Variants in VTI1A observed in about 807,000 individuals in gnomAD.
The protein encoded by VTI1A is vesicle transport through interaction with t-SNAREs 1A, also known as vesicle transport through interaction with t-SNAREs homolog 1A.
In VTI1A, 22 loss-of-function variants were observed where a neutral mutation model predicts 34.9. The ratio of observed to expected loss-of-function variants is 0.63; its 90% CI spans 0.45 to 0.90. The LOEUF (loss-of-function observed/expected upper bound fraction) is 0.90, where lower values mean the gene tolerates loss of function less well. VTI1A is among the 40% of genes least tolerant of loss of function. The pLI is 0.00. For synonymous variants in VTI1A, 87 were observed against 97.3 expected (o/e 0.89, Z 0.62); for missense variants, 268 against 275.6 (o/e 0.97, Z 0.20).
chr10:112,555,896 G>T (rs976111014), intron 5 of VTI1A, among the ~76,000 whole-genome samples: 1 of 151,972 alleles, frequency 6.6e-6, no homozygotes, highest in African/African-American at 2.4e-5. Flanking sequence ...TTATAAAATT[G>T]CAACTGTCTG....
intron 5 of VTI1A, among the ~76,000 whole-genome samples, chr10:112,648,890 A>G (rs1423871118): frequency 2.6e-5 from 4 of 152,196 alleles, no homozygotes; most frequent in Non-Finnish European, 5.9e-5. Context: ...AGTGGGTAAA[A>G]TATATATCTA....
chr10:112,648,104 A>G (rs767256267), intron 5 of VTI1A, among the ~76,000 whole-genome samples: 29 of 152,200 alleles, frequency 1.9e-4, no homozygotes, highest in African/African-American at 6.5e-4. Context: ...GAGATCATCT[A>G]TGTGGAAATT....
chr10:112,805,823 GGGAACCAACCCT>G (rs1853053856), intron 7 of VTI1A, among the ~76,000 whole-genome samples: 1 of 152,136 alleles, frequency 6.6e-6, no homozygotes, highest in African/African-American at 2.4e-5. Flanking sequence ...TGCTCTCTCA[GGGAACCAACCCT>G]GCCGACACCT....
At chr10:112,536,808 A>G (rs964560577) in intron 4 of VTI1A, among the ~76,000 whole-genome samples, 2 of 142,928 alleles carry the variant, frequency 1.4e-5, no homozygotes, top group African/African-American at 5.2e-5. Flanking sequence ...AGCTGCCTCC[A>G]ACGTCTGGCC....
At chr10:112,554,159 C>G (rs747994385) in intron 5 of VTI1A, among the ~76,000 whole-genome samples, 1 of 152,126 alleles carries the variant, frequency 6.6e-6, no homozygotes, top group Non-Finnish European at 1.5e-5. Context: ...TTCCTTAGGT[C>G]TGTAACAAAA....
rs912800916 is a variant in VTI1A, at chr10:112,767,729, C to T, written c.561-47561C>T. ...TGTATTCTCCCAATTTTCTTGGTTG[C>T]GATGAAAAAATAATAATTTTTAAAA... is the stretch of plus-strand genomic sequence containing the variant. On this transcript the variant is annotated intron_variant, in intron 7 of 7. Coordinates refer to ENST00000393077, the MANE Select transcript of VTI1A (RefSeq NM_145206.4). This position sits in a 1 kb window ranked among gnomAD's most constrained non-coding sequence, Gnocchi z 4.0. Among the ~76,000 whole-genome samples the T allele has an allele frequency of 3.3e-5, 5 of 151,270 alleles. No individual in the cohort carries two copies. Among genetic ancestry groups the T allele is most frequent in the South Asian group, 4.2e-4 (2 of 4,802 alleles).
At chr10:112,612,639 G>A (rs766808235) in intron 5 of VTI1A, among the ~76,000 whole-genome samples, 3 of 152,090 alleles carry the variant, frequency 2.0e-5, no homozygotes, top group Non-Finnish European at 4.4e-5. Context: ...GCCCAGGTTG[G>A]TCTAGAACTC....
In VTI1A at chr10:112,511,276, G is replaced by T. The variant is rs576983642; in HGVS notation, c.265-15811G>T. ...TTTTTTTTTTCTTTTTCAGAGTCTT[G>T]CTCTGTCACCAGGCTGGAGTGCAGT... On this transcript the variant is annotated intron_variant, in intron 3 of 7. Coordinates refer to ENST00000393077, the MANE Select transcript of VTI1A (RefSeq NM_145206.4). Among the ~76,000 whole-genome samples the T allele has an allele frequency of 4.1e-3, 588 of 141,980 alleles. 7 individuals carry two copies. The highest frequency in any genetic ancestry group is 4.0e-3 in the Non-Finnish European group (261 of 65,868). 93.1% of individuals were successfully genotyped at this position (141,980 alleles called of 152,430 possible). A position where few individuals can be genotyped will look rare whatever the true frequency, so the allele number is the denominator to read the frequency against.
the VTI1A span, among the ~76,000 whole-genome samples, chr10:112,829,444 GA>G: frequency 3.3e-4 from 43 of 131,928 alleles, no homozygotes; most frequent in Non-Finnish European, 3.3e-4. Context: ...ACTCCGTCTC[GA>G]AAAAAAAAAA....
chr10:112,762,534 T>C (rs1851503446), intron 7 of VTI1A, among the ~76,000 whole-genome samples: 1 of 152,208 alleles, frequency 6.6e-6, no homozygotes, highest in Non-Finnish European at 1.5e-5. Context: ...TATTAGTTTC[T>C]GCAAGTATAT....
chr10:112,582,871 C>T (rs1271092432), intron 5 of VTI1A, among the ~76,000 whole-genome samples: 2 of 152,004 alleles, frequency 1.3e-5, no homozygotes, highest in Non-Finnish European at 2.9e-5. Context: ...TTGAAGAACA[C>T]CAGTAAGTAT....
At chr10:112,735,388 A>G (rs1306450408) in intron 7 of VTI1A, among the ~76,000 whole-genome samples, 1 of 152,242 alleles carries the variant, frequency 6.6e-6, no homozygotes, top group African/African-American at 2.4e-5. Flanking sequence ...AAAACAATCA[A>G]TCGGATTCCT....
Position 112,509,262 on chromosome 10 carries a change from C to T in VTI1A, c.265-17825C>T, listed in dbSNP as rs79504712. Reference sequence around the variant, plus strand: ...GAAGTCCATATGAGTTCTTAATCACCGCTTAAAAGACAAAGCTGGAATTTG... The same window carrying T: ...GAAGTCCATATGAGTTCTTAATCACTGCTTAAAAGACAAAGCTGGAATTTG... On this transcript the variant is annotated intron_variant, in intron 3 of 7. Coordinates refer to ENST00000393077, the MANE Select transcript of VTI1A (RefSeq NM_145206.4). Among the ~76,000 whole-genome samples, 1,186 of 152,226 alleles carry T rather than the reference C, an allele frequency of 7.8e-3. 15 individuals carry two copies. Among genetic ancestry groups the T allele is most frequent in the African/African-American group, 0.027 (1,125 of 41,536 alleles).
At chr10:112,810,097 A>T (rs1251416892) in intron 7 of VTI1A, among the ~76,000 whole-genome samples, 6 of 141,938 alleles carry the variant, frequency 4.2e-5, no homozygotes, top group African/African-American at 1.5e-4. Context: ...GGTTTGATTT[A>T]AAAAAAAAAA....
At chr10:112,707,235 A>G (rs1849230507) in intron 7 of VTI1A, among the ~76,000 whole-genome samples, 2 of 152,044 alleles carry the variant, frequency 1.3e-5, no homozygotes, top group Non-Finnish European at 2.9e-5. Flanking sequence ...TGGCATGATC[A>G]TGGCTCATTG....
intron 5 of VTI1A, among the ~76,000 whole-genome samples, chr10:112,614,768 T>A (rs1262925612): frequency 6.6e-6 from 1 of 152,140 alleles, no homozygotes; most frequent in Non-Finnish European, 1.5e-5. Context: ...GAGGCTATTG[T>A]CAGATACTGG....
intron 5 of VTI1A, among the ~76,000 whole-genome samples, chr10:112,652,616 A>T (rs1397844129): frequency 2.0e-5 from 3 of 151,658 alleles, no homozygotes; most frequent in Non-Finnish European, 4.4e-5. Flanking sequence ...GGTCCCAGCT[A>T]CTGAGGAGGC....
intron 5 of VTI1A, among the ~76,000 whole-genome samples, chr10:112,592,111 C>A (rs1844413913): frequency 1.3e-5 from 2 of 152,270 alleles, no homozygotes; most frequent in South Asian, 4.1e-4. Flanking sequence ...CCCAGTCCTA[C>A]AATCACAAGG....
chr10:112,763,364 G>A (rs577758349), intron 7 of VTI1A, among the ~76,000 whole-genome samples: 14 of 151,768 alleles, frequency 9.2e-5, no homozygotes, highest in African/African-American at 1.9e-4. Context: ...GGGTGAACCC[G>A]GGAGGCAGAG....
Sources: gnomAD v4.1 joint callset for allele counts (sites outside exome capture counted in the v4.1 genomes callset) on GRCh38, gnomAD v4.1.1 for gene constraint, Gnocchi (gnomAD v3.1) non-coding constraint, MANE v1.5 for transcripts, NCBI Gene and HGNC (gene_info 2026-07-23, HGNC 2026-07-21) for gene names.